The following TOPAZ1 variants were observed in gnomAD, a reference collection of about 807,000 sequenced individuals.
TOPAZ1 encodes the protein testis and ovary specific TOPAZ 1, also known as protein TOPAZ1.
Under a neutral mutation model 172.2 loss-of-function variants are expected in TOPAZ1, and 66 were observed. The observed-to-expected ratio is 0.38, with a 90% confidence interval of 0.31 to 0.47. TOPAZ1 has a LOEUF of 0.47. TOPAZ1 is among the 20% of genes least tolerant of loss of function. The pLI is 0.99. For synonymous variants in TOPAZ1, 681 were observed against 683.9 expected (o/e 1.00, Z 0.07); for missense variants, 1,822 against 1,972.4 (o/e 0.92, Z 1.44).
chr3:44,320,087 T>C (rs1700492485), intron 16 of TOPAZ1, among the ~76,000 whole-genome samples: 1 of 152,192 alleles, frequency 6.6e-6, no homozygotes, highest in Non-Finnish European at 1.5e-5. Flanking sequence ...TTTCTCAATG[T>C]GAAAATCAGA....
intron 11 of TOPAZ1, among the ~76,000 whole-genome samples, chr3:44,289,985 C>T (rs1181990936): frequency 6.6e-6 from 1 of 152,182 alleles, no homozygotes; most frequent in African/African-American, 2.4e-5. Context: ...TCTTAACTCT[C>T]TAAATCCTTG....
intron 17 of TOPAZ1, among the ~76,000 whole-genome samples, chr3:44,321,964 G>A (rs1360917140): frequency 3.3e-5 from 5 of 152,270 alleles, no homozygotes; most frequent in Non-Finnish European, 7.4e-5. Context: ...ACAGATAGTT[G>A]TGCCAGATTT....
In TOPAZ1 at chr3:44,243,363, A is replaced by G. The variant is rs923389693; in HGVS notation, c.857A>G (p.Asn286Ser). 5 of 1,551,050 alleles carry G rather than the reference A, an allele frequency of 3.2e-6. No homozygotes were observed. The highest frequency in any genetic ancestry group is 3.5e-6 in the Non-Finnish European group (4 of 1,146,822). The part of the protein sequence containing the change: ...SIPQLLQTEE[N>S]VMGVNKLLPE... ...CCTCAGCTCTTACAAACAGAAGAAA[A>G]TGTAATGGGAGTAAATAAGTTACTA... Residue 286 changes from asparagine (N) to serine (S), a missense_variant, in exon 2 of 20, where the codon AAT becomes AGT. Transcript: ENST00000309765.
rs147227657 is a variant in TOPAZ1 at position 44,270,635 on chromosome 3, A to C, written c.3247-50A>C. ...TTCAAATGCTGTCTTGCTTAACTAT[A>C]GTAAGTGCTTTACAGTTAATACAGA... is the stretch of plus-strand genomic sequence containing the variant. On this transcript the variant is annotated intron_variant, in intron 7 of 19. Coordinates refer to ENST00000309765, the MANE Select transcript of TOPAZ1 (RefSeq NM_001145030.2). 7.2e-4 allele frequency: 1,020 copies of C among 1,416,110 alleles called. 6 individuals are homozygous for C. The African/African-American group carries it at 0.013, about 18-fold the overall frequency. 87.7% of individuals were successfully genotyped at this position (1,416,110 alleles called of 1,614,324 possible).
intron 12 of TOPAZ1, 53 bp downstream of exon 12, chr3:44,290,939 T>C: frequency 8.5e-7 from 1 of 1,180,250 alleles, no homozygotes; most frequent in South Asian, 1.4e-5. Context: ...TGGTGGGGAC[T>C]TATAAAAGCT....
At chr3:44,269,140 GATCATCTATTTCATTGTT>G (rs1699865177) in intron 6 of TOPAZ1, 58 bp from the exon 7 acceptor site, 1 of 813,148 alleles carries the variant, frequency 1.2e-6, no homozygotes, top group Non-Finnish European at 2.1e-6. Flanking sequence ...AGATAGTAGT[GATCATCTATTTCATTGTT>G]ATGAAGAAAA....
At chr3:44,320,320 G>A (rs1575734954) in intron 16 of TOPAZ1, among the ~76,000 whole-genome samples, 2 of 152,294 alleles carry the variant, frequency 1.3e-5, no homozygotes, top group African/African-American at 2.4e-5. Context: ...TTCGCTGGTC[G>A]GGCGCAGTGG....
At chr3:44,247,843 G>T (rs1444374190) in intron 2 of TOPAZ1, among the ~76,000 whole-genome samples, 2 of 152,086 alleles carry the variant, frequency 1.3e-5, no homozygotes, top group Non-Finnish European at 2.9e-5. Context: ...AGTAGACAGG[G>T]TTTCACCATG....
chr3:44,292,845 A>G (rs1700153000), intron 12 of TOPAZ1, among the ~76,000 whole-genome samples: 1 of 152,188 alleles, frequency 6.6e-6, no homozygotes, highest in Admixed American at 6.5e-5. Flanking sequence ...CATTTCTGTT[A>G]ACTGTAGTTG....
At chr3:44,288,498 A>G (rs1057382946) in intron 11 of TOPAZ1, among the ~76,000 whole-genome samples, 6 of 152,152 alleles carry the variant, frequency 3.9e-5, no homozygotes, top group African/African-American at 1.2e-4. Flanking sequence ...CCTGACCAAC[A>G]TGGTGAAACC....
At chr3:44,256,980 T>C (rs1699711161) in intron 4 of TOPAZ1, among the ~76,000 whole-genome samples, 1 of 151,968 alleles carries the variant, frequency 6.6e-6, no homozygotes, top group Non-Finnish European at 1.5e-5. Context: ...ACTATATGTG[T>C]ATGTATGTAC....
At chr3:44,283,407 C>T (rs1700043710) in intron 9 of TOPAZ1, among the ~76,000 whole-genome samples, 2 of 152,098 alleles carry the variant, frequency 1.3e-5, no homozygotes, top group Non-Finnish European at 1.5e-5. Context: ...CTTAAAGAGG[C>T]TCTGAATACC....
At position 44,331,844 on chromosome 3, in the gene TOPAZ1, A is replaced by G; in HGVS notation, c.4912A>G (p.Arg1638Gly). ...TGATGATTATCAAGCTGCAGTAGAA[A>G]GGTTAATTATGGCTGCTCGTATATC... is the stretch of plus-strand genomic sequence containing the variant. ...SNDDYQAAVE[R>G]LIMAARISDP... Residue 1638 changes from arginine (R) to glycine (G), a missense_variant, in exon 20 of 20, where the codon AGG becomes GGG. Coordinates refer to ENST00000309765, the MANE Select transcript of TOPAZ1 (RefSeq NM_001145030.2). 6.4e-7 allele frequency: 1 copy of G among 1,552,158 alleles called. No individual in the cohort carries two copies. The highest frequency in any genetic ancestry group is 8.7e-7 in the Non-Finnish European group (1 of 1,147,084).
chr3:44,316,193 C>T (rs1057114746), intron 16 of TOPAZ1, among the ~76,000 whole-genome samples: 3 of 152,000 alleles, frequency 2.0e-5, no homozygotes, highest in Admixed American at 6.6e-5. Flanking sequence ...CTGCATTGAG[C>T]AGTGATCATG....
At chr3:44,286,921 A>G (rs530151468) in intron 9 of TOPAZ1, among the ~76,000 whole-genome samples, 58 of 152,354 alleles carry the variant, frequency 3.8e-4, no homozygotes, top group African/African-American at 1.4e-3. Flanking sequence ...CTGAAATAAA[A>G]AATATCCCCA....
intron 5 of TOPAZ1, among the ~76,000 whole-genome samples, chr3:44,265,230 C>G (rs1699817074): frequency 6.6e-6 from 1 of 152,258 alleles, no homozygotes; most frequent in South Asian, 2.1e-4. Flanking sequence ...CTTCTTGATT[C>G]ATAGATTGCA....
At chr3:44,259,046 A>G (rs986554244) in intron 4 of TOPAZ1, among the ~76,000 whole-genome samples, 11 of 152,158 alleles carry the variant, frequency 7.2e-5, no homozygotes, top group Admixed American at 3.3e-4. Flanking sequence ...TGGGGGATTT[A>G]TCTGTTAGGC....
At chr3:44,298,913 T>A (rs9681006) in intron 12 of TOPAZ1, among the ~76,000 whole-genome samples, 2,621 of 21,600 alleles carry the variant, frequency 0.12, 70 homozygotes, top group Middle Eastern at 0.17. Context: ...ATATATATTT[T>A]TTTTTTTTTT....
Position 44,243,046 on chromosome 3 carries a change from C to T in TOPAZ1, c.540C>T (p.Asn180=). The T allele has an allele frequency of 6.5e-7, 1 of 1,544,044 alleles. No homozygotes were observed. Among genetic ancestry groups the T allele is most frequent in the East Asian group, 2.4e-5 (1 of 40,846 alleles). ...IRNKKLKSLE[N]PPLKITENEA... ...ATAAAAAACTTAAAAGCTTAGAAAA[C>T]CCACCTCTCAAAATAACCGAAAATG... Residue 180 remains asparagine, a synonymous_variant, in exon 2 of 20, where the codon AAC becomes AAT. Coordinates refer to ENST00000309765, the MANE Select transcript of TOPAZ1 (RefSeq NM_001145030.2).
Sources: allele counts gnomAD v4.1 joint callset (sites outside exome capture counted in the v4.1 genomes callset), GRCh38; gene constraint gnomAD v4.1.1; transcripts MANE v1.5; gene names NCBI Gene and HGNC (gene_info 2026-07-23, HGNC 2026-07-21).